LPGAT1: variants seen among roughly 807,000 people sequenced by gnomAD.
LPGAT1 encodes the protein acyl-CoA:lysophosphatidylglycerol acyltransferase 1.
A neutral mutation model predicts 47.5 loss-of-function variants in LPGAT1; 11 were observed. The observed-to-expected ratio is 0.23, with a 90% CI of 0.15 to 0.38. The LOEUF (loss-of-function observed/expected upper bound fraction) is 0.38, where lower values mean the gene tolerates loss of function less well. LPGAT1 is among the 10% of genes least tolerant of loss of function. The pLI is 1.00. For missense variants in LPGAT1, 293 were observed against 439.0 expected, an observed-to-expected ratio of 0.67 and a Z score of 2.97; for synonymous variants, 138 against 144.2, an observed-to-expected ratio of 0.96 and a Z score of 0.31.
At chr1:211,786,775 A>G (rs1216615929) in intron 4 of LPGAT1, among the ~76,000 whole-genome samples, 1 of 152,172 alleles carries the variant, frequency 6.6e-6, no homozygotes, top group East Asian at 1.9e-4. Flanking sequence ...TTATTTATTA[A>G]TTTATTTAAT....
At chr1:211,763,625 T>C (rs942072530) in intron 6 of LPGAT1, among the ~76,000 whole-genome samples, 7 of 152,246 alleles carry the variant, frequency 4.6e-5, no homozygotes, top group Non-Finnish European at 7.3e-5. Flanking sequence ...AGTCAAAGCA[T>C]ACCACAGGGT....
intron 6 of LPGAT1, among the ~76,000 whole-genome samples, chr1:211,759,283 A>AG (rs1657590152): frequency 6.7e-6 from 1 of 150,166 alleles, no homozygotes; most frequent in Non-Finnish European, 1.5e-5. Context: ...GTTTTTTTAG[A>AG]GACGGGGTCT....
At chr1:211,791,003 A>G (rs1659088441) in intron 3 of LPGAT1, among the ~76,000 whole-genome samples, 2 of 152,166 alleles carry the variant, frequency 1.3e-5, no homozygotes, top group Admixed American at 6.5e-5. Flanking sequence ...GTTTTGCAAA[A>G]TTTTAACGTC....
At chr1:211,756,783 G>A (rs1657474098) in intron 6 of LPGAT1, among the ~76,000 whole-genome samples, 1 of 151,200 alleles carries the variant, frequency 6.6e-6, no homozygotes, top group African/African-American at 2.4e-5. Context: ...TCCAGCTCAG[G>A]TTCTGATATG....
chr1:211,782,680 A>G (rs1658690733), intron 5 of LPGAT1, among the ~76,000 whole-genome samples: 1 of 152,162 alleles, frequency 6.6e-6, no homozygotes, highest in African/African-American at 2.4e-5. Context: ...GACTACGGTG[A>G]GCTATGATCA....
intron 2 of LPGAT1, among the ~76,000 whole-genome samples, chr1:211,815,987 T>C (rs1393716118): frequency 1.3e-5 from 2 of 151,840 alleles, no homozygotes; most frequent in Admixed American, 6.6e-5. Context: ...TTCACCGTGT[T>C]AGCCAGGATA....
In LPGAT1 at chr1:211,787,631, C is replaced by A; in HGVS notation, c.453+1G>T. 6.5e-7 allele frequency: 1 copy of A among 1,539,778 alleles called. No individual in the cohort carries two copies. Among genetic ancestry groups the A allele is most frequent in the Non-Finnish European group, 8.9e-7 (1 of 1,120,250 alleles). On this transcript the variant is annotated splice_donor_variant, in intron 4 of 7. Coordinates refer to ENST00000366997, the MANE Select transcript of LPGAT1 (RefSeq NM_014873.3). LOFTEE classifies it high-confidence loss of function. Reference sequence around the variant, plus strand: ...GCGGGGAAAAAGTGCTCATTACTTACCTGTCTTATAAAGAAGTCTCCATGA... The same window carrying A: ...GCGGGGAAAAAGTGCTCATTACTTAACTGTCTTATAAAGAAGTCTCCATGA...
intron 2 of LPGAT1, among the ~76,000 whole-genome samples, chr1:211,815,254 TA>T (rs1289289010): frequency 6.6e-6 from 1 of 152,216 alleles, no homozygotes; most frequent in Admixed American, 6.5e-5. Context: ...TTTAAATTTT[TA>T]AAATCTTTCC....
intron 2 of LPGAT1, among the ~76,000 whole-genome samples, chr1:211,803,810 G>C (rs969940051): frequency 6.7e-6 from 1 of 148,728 alleles, no homozygotes; most frequent in African/African-American, 2.5e-5. Flanking sequence ...ACTCAGACTG[G>C]AGTGCAGTGG....
chr1:211,820,322 T>C (rs986903836), intron 2 of LPGAT1, among the ~76,000 whole-genome samples: 9 of 151,928 alleles, frequency 5.9e-5, no homozygotes, highest in African/African-American at 1.7e-4. Flanking sequence ...AGAGATACTT[T>C]AAGAAAAATG....
intron 5 of LPGAT1, among the ~76,000 whole-genome samples, chr1:211,780,667 T>C (rs1322870506): frequency 6.6e-6 from 1 of 152,168 alleles, no homozygotes; most frequent in Non-Finnish European, 1.5e-5. Context: ...TTAAATAACA[T>C]ATTGCTAAAT....
At chr1:211,795,123 A>G (rs770505829) in intron 2 of LPGAT1, among the ~76,000 whole-genome samples, 3 of 152,216 alleles carry the variant, frequency 2.0e-5, no homozygotes, top group Non-Finnish European at 4.4e-5. Flanking sequence ...TTCCACAACA[A>G]TGTGAATATA....
intron 2 of LPGAT1, among the ~76,000 whole-genome samples, chr1:211,822,479 G>A (rs574462797): frequency 2.6e-5 from 4 of 152,072 alleles, no homozygotes; most frequent in East Asian, 1.9e-4. Flanking sequence ...CTGGATTTAC[G>A]TCAAGATCAG....
chr1:211,813,758 T>C lies in LPGAT1; in HGVS notation c.238+15301A>G, dbSNP rs566631411. Among the ~76,000 whole-genome samples the C allele has an allele frequency of 1.1e-4, 16 of 152,342 alleles. No individual in the cohort carries two copies. In the East Asian group the frequency reaches 3.1e-3, roughly 29 times the overall value. On this transcript the variant is annotated intron_variant, in intron 2 of 7. Transcript: ENST00000366997. ...TGTTCATCTGTACAAGCTTCTTAGCTGGAGGGGAGTTATGAAACAGGCAGT... is the reference window on the plus strand; with the variant it reads ...TGTTCATCTGTACAAGCTTCTTAGCCGGAGGGGAGTTATGAAACAGGCAGT...
intron 3 of LPGAT1, among the ~76,000 whole-genome samples, chr1:211,788,455 G>A (rs1409580093): frequency 6.6e-6 from 1 of 152,142 alleles, no homozygotes; most frequent in Non-Finnish European, 1.5e-5. Flanking sequence ...GGCAGAGGCA[G>A]GTGGATCACT....
intron 3 of LPGAT1, among the ~76,000 whole-genome samples, chr1:211,791,784 A>C (rs1363934301): frequency 6.9e-6 from 1 of 145,982 alleles, no homozygotes; most frequent in East Asian, 1.9e-4. Context: ...CAAAAAAAAA[A>C]AACAAAAAAA....
At position 211,829,209 on chromosome 1, in the gene LPGAT1, G is replaced by A. The variant is rs1571777696; in HGVS notation, c.88C>T (p.Leu30=). The change falls in exon 2 of 8, where the codon CTG becomes TTG. Residue 30 remains leucine, a synonymous_variant. Transcript: ENST00000366997. ...CAGATGTAGGATGGAATAGCAACCA[G>A]GTTGTTGACGACCATGAAGGCAAAC... ...MRFAFMVVNN[L]VAIPSYICYV... 1.2e-6 allele frequency: 2 copies of A among 1,614,032 alleles called. No individual in the cohort carries two copies. Among genetic ancestry groups the A allele is most frequent in the Non-Finnish European group, 1.7e-6 (2 of 1,180,042 alleles).
At chr1:211,773,055 G>A (rs1166259950) in intron 6 of LPGAT1, among the ~76,000 whole-genome samples, 1 of 152,052 alleles carries the variant, frequency 6.6e-6, no homozygotes, top group African/African-American at 2.4e-5. Flanking sequence ...ATAATACTCT[G>A]CAAACTAATG....
intron 4 of LPGAT1, 66 bp from the exon 5 acceptor site, chr1:211,783,568 C>T: frequency 1.4e-6 from 2 of 1,382,938 alleles, no homozygotes; most frequent in African/African-American, 1.4e-5. Context: ...TAAAATTAAA[C>T]AGAAATTACA....
Sources: gnomAD v4.1 joint callset for allele counts (sites outside exome capture counted in the v4.1 genomes callset) on GRCh38, gnomAD v4.1.1 for gene constraint, MANE v1.5 for transcripts, NCBI Gene and HGNC (gene_info 2026-07-23, HGNC 2026-07-21) for gene names.